Variants in CDK4 observed in about 807,000 individuals in gnomAD.
CDK4 encodes cyclin-dependent kinase 4.
A neutral mutation model predicts 36.7 loss-of-function variants in CDK4; 13 were observed. The observed-to-expected ratio is 0.35, with a 90% CI of 0.23 to 0.56. The LOEUF (loss-of-function observed/expected upper bound fraction) is 0.56. Among genes scored for constraint, CDK4 ranks in the 20% least tolerant of loss-of-function variants. CDK4 has a pLI of 0.85. For synonymous variants in CDK4, 158 were observed against 146.4 expected, an observed-to-expected ratio of 1.08 and a Z score of -0.57; for missense variants, 285 against 387.3, an observed-to-expected ratio of 0.74 and a Z score of 2.22.
chr12:57,750,727 C>T lies in CDK4; in HGVS notation c.561G>A (p.Leu187=). 6.2e-7 allele frequency: 1 copy of T among 1,614,130 alleles called. No individual in the cohort carries two copies. Among genetic ancestry groups the T allele is most frequent in the Non-Finnish European group, 8.5e-7 (1 of 1,179,950 alleles). The stretch of plus-strand genomic sequence containing the variant: ...CCACAGGTGTTGCATATGTGGACTG[C>T]AGAAGAACTTCGGGAGCTCGGTACC... ...TLWYRAPEVL[L]QSTYATPVDM... The change falls in exon 5 of 8, where the codon CTG becomes CTA. Residue 187 remains leucine (L), a synonymous_variant. Transcript: ENST00000257904.
chr12:57,751,282 A>G lies in CDK4; in HGVS notation c.279T>C (p.Phe93=), dbSNP rs1478574297. 1.5e-5 allele frequency: 24 copies of G among 1,613,998 alleles called. No individual in the cohort carries two copies. Among genetic ancestry groups the G allele is most frequent in the African/African-American group, 4.0e-5 (3 of 74,888 alleles). Residue 93 remains phenylalanine (F), a synonymous_variant, in exon 3 of 8, where the codon TTT becomes TTC. Coordinates refer to ENST00000257904, the MANE Select transcript of CDK4 (RefSeq NM_000075.4). This position sits in a 1 kb window ranked among gnomAD's most constrained non-coding sequence, Gnocchi z 4.5. ...TCCTTAGGTCCTGGTCTACATGCTC[A>G]AACACCAGGGTTACCTTGATCTCCC... ...TDREIKVTLV[F]EHVDQDLRTY... is the part of the protein sequence containing the mutation.
rs554603181 is a variant in CDK4, at chr12:57,751,252, A to G, written c.309T>C (p.Tyr103=). 3 of 1,614,032 alleles carry G rather than the reference A, an allele frequency of 1.9e-6. No homozygotes were observed. The highest frequency in any genetic ancestry group is 4.5e-5 in the East Asian group (2 of 44,870). The change falls in exon 3 of 8, where the codon TAT becomes TAC. Residue 103 remains tyrosine (Y), a synonymous_variant. Transcript: ENST00000257904. The surrounding 1 kb of genome is among the most constrained non-coding windows in gnomAD (Gnocchi z 4.5). ...FEHVDQDLRT[Y]LDKAPPPGLP... is the part of the protein sequence containing the mutation. ...AGCCTGGTGGGGGTGCCTTGTCCAG[A>G]TATGTCCTTAGGTCCTGGTCTACAT... is the stretch of plus-strand genomic sequence containing the variant.
rs112275916 is a variant in CDK4 at position 57,748,034 on chromosome 12, G to C, written c.*491C>G. On this transcript the variant is annotated 3_prime_UTR_variant, in exon 8 of 8. Coordinates refer to ENST00000257904, the MANE Select transcript of CDK4 (RefSeq NM_000075.4). ...TGGGATTATAGGCGTGAGCCACCAC[G>C]CCCCGCCTAAAATCCATATTCAAAG... 1 of 249,132 alleles carries C rather than the reference G, an allele frequency of 4.0e-6. No homozygotes were observed. The highest frequency in any genetic ancestry group is 7.9e-6 in the Non-Finnish European group (1 of 127,008). The allele number at this position is 249,132 out of a possible 1,614,324, so 15.4% of individuals were successfully genotyped here.
Position 57,750,677 on chromosome 12 carries a change from A to G in CDK4, c.611T>C (p.Phe204Ser). 1 of 1,613,706 alleles carries G rather than the reference A, an allele frequency of 6.2e-7. No homozygotes were observed. Residue 204 changes from phenylalanine to serine, a missense_variant, in exon 5 of 8, where the codon TTT becomes TCT. By Grantham distance (155) the Phe-to-Ser change is radical. Coordinates refer to ENST00000257904, the MANE Select transcript of CDK4 (RefSeq NM_000075.4). ...ATACTTTCGACGAAACATCTCTGCAAAGATACAGCCAACACTCCACATGTC... is the reference window on the plus strand; with the variant it reads ...ATACTTTCGACGAAACATCTCTGCAGAGATACAGCCAACACTCCACATGTC... ...PVDMWSVGCI[F>S]AEMFRRKPLF...
chr12:57,748,436 A>G lies in CDK4; in HGVS notation c.*89T>C, dbSNP rs1955184991. 2.1e-6 allele frequency: 2 copies of G among 936,172 alleles called. No individual in the cohort carries two copies. The highest frequency in any genetic ancestry group is 1.8e-6 in the Non-Finnish European group (1 of 566,104). 58.0% of individuals were successfully genotyped at this position (936,172 alleles called of 1,614,324 possible). On this transcript the variant is annotated 3_prime_UTR_variant, in exon 8 of 8. Coordinates refer to ENST00000257904, the MANE Select transcript of CDK4 (RefSeq NM_000075.4). Reference sequence around the variant, plus strand: ...AGAAAGATGGAGGAGGACCCTCCATAGCCTCAGAGATAAAGGCAAAGATTG... The same window carrying G: ...AGAAAGATGGAGGAGGACCCTCCATGGCCTCAGAGATAAAGGCAAAGATTG...
In CDK4 at chr12:57,751,816, A is replaced by G; in HGVS notation, c.-19-80T>C. The G allele has an allele frequency of 1.1e-6, 1 of 949,754 alleles. No homozygotes were observed. Among genetic ancestry groups the G allele is most frequent in the Non-Finnish European group, 1.6e-6 (1 of 621,176 alleles). 58.8% of individuals were successfully genotyped at this position (949,754 alleles called of 1,614,324 possible). A position where few individuals can be genotyped will look rare whatever the true frequency, so the allele number is the denominator to read the frequency against. Reference sequence around the variant, plus strand: ...AGCCTGCAGCAACAAAGGGACTCCCAAAAAAAAAGCGCAAAGAACACCACC... The same window carrying G: ...AGCCTGCAGCAACAAAGGGACTCCCGAAAAAAAAGCGCAAAGAACACCACC... On this transcript the variant is annotated intron_variant, in intron 1 of 7. Transcript: ENST00000257904. This position sits in a 1 kb window ranked among gnomAD's most constrained non-coding sequence, Gnocchi z 4.5.
Position 57,751,373 on chromosome 12 carries a change from C to G in CDK4, c.219-31G>C, listed in dbSNP as rs2270777. 2.5e-6 allele frequency: 4 copies of G among 1,613,622 alleles called. No individual in the cohort carries two copies. The highest frequency in any genetic ancestry group is 3.3e-4 in the Middle Eastern group (2 of 6,042). ...CAGAGTAAATGCTCACTTTTCAATC[C>G]CCTTTAACCCAACATGGCCTCTCAT... On this transcript the variant is annotated intron_variant, in intron 2 of 7. Coordinates refer to ENST00000257904, the MANE Select transcript of CDK4 (RefSeq NM_000075.4). The surrounding 1 kb of genome is among the most constrained non-coding windows in gnomAD (Gnocchi z 4.5).
rs1955187042 is a variant in CDK4 at position 57,748,558 on chromosome 12, A to G, written c.879T>C (p.Ser293=). ...GATTACCTTCATCCTTATGTAGATA[A>G]GAGTGCTGCAGAGCTCGAAAGGCAG... ...RISAFRALQH[S]YLHKDEGNPE Residue 293 remains serine (S), a synonymous_variant, in exon 8 of 8, where the codon TCT becomes TCC. Transcript: ENST00000257904. 2 of 1,613,734 alleles carry G rather than the reference A, an allele frequency of 1.2e-6. No individual in the cohort carries two copies. Among genetic ancestry groups the G allele is most frequent in the East Asian group, 2.2e-5 (1 of 44,902 alleles).
chr12:57,748,623 G>C lies in CDK4; in HGVS notation c.820-6C>G, dbSNP rs754966040. 1 of 1,606,932 alleles carries C rather than the reference G, an allele frequency of 6.2e-7. No homozygotes were observed. Among genetic ancestry groups the C allele is most frequent in the Non-Finnish European group, 8.5e-7 (1 of 1,173,452 alleles). ...GGGTTAAAAGTCAGCATTTCCTGAG[G>C]GGAGAGGCAAAGGTCAGAAAACCAT... is the stretch of plus-strand genomic sequence containing the variant. On this transcript the variant is annotated splice_polypyrimidine_tract_variant and splice_region_variant and intron_variant, in intron 7 of 7. Coordinates refer to ENST00000257904, the MANE Select transcript of CDK4 (RefSeq NM_000075.4).
At chr12:57,750,875 TCTC>T (rs780524827) in intron 4 of CDK4, 45 bp downstream of exon 4, 2 of 1,609,688 alleles carry the variant, frequency 1.2e-6, no homozygotes, top group Non-Finnish European at 8.5e-7. Flanking sequence ...GGGCAATCAC[TCTC>T]CTACTCCCAA....
intron 7 of CDK4, 82 bp downstream of exon 7, chr12:57,749,100 C>T (rs2140382234): frequency 1.9e-6 from 3 of 1,552,038 alleles, no homozygotes; most frequent in Non-Finnish European, 2.7e-6. Flanking sequence ...TCATTAACCA[C>T]AGTGGCCAGG....
rs1225004491 is a variant in CDK4 at position 57,748,508 on chromosome 12, G to A, written c.*17C>T. 5.7e-6 allele frequency: 9 copies of A among 1,577,572 alleles called. No individual in the cohort carries two copies. Among genetic ancestry groups the A allele is most frequent in the Middle Eastern group, 1.7e-4 (1 of 5,958 alleles). ...AAATGGCAGCTTTTCTTCCTTCCAT[G>A]GCAGCCACTCCATTGCTCACTCCGG... On this transcript the variant is annotated 3_prime_UTR_variant, in exon 8 of 8. Coordinates refer to ENST00000257904, the MANE Select transcript of CDK4 (RefSeq NM_000075.4).
At chr12:57,748,660 A>G (rs1465094637) in intron 7 of CDK4, 43 bp from the exon 8 acceptor site, 1 of 1,297,146 alleles carries the variant, frequency 7.7e-7, no homozygotes, top group South Asian at 1.2e-5. Context: ...AAGAAAACAG[A>G]CTTCTGCCCA....
rs1256176240 is a variant in CDK4, at chr12:57,751,721, C to T, written c.-4G>A. The stretch of plus-strand genomic sequence containing the variant: ...GCTCATATCGAGAGGTAGCCATTCT[C>T]AGATCAAGGGAGACCCTACAATCAC... On this transcript the variant is annotated 5_prime_UTR_variant, in exon 2 of 8. Transcript: ENST00000257904. The surrounding 1 kb of genome is among the most constrained non-coding windows in gnomAD (Gnocchi z 4.5). The T allele has an allele frequency of 1.2e-6, 2 of 1,613,972 alleles. No individual in the cohort carries two copies. Among genetic ancestry groups the T allele is most frequent in the Admixed American group, 3.3e-5 (2 of 60,028 alleles).
rs953231242 is a variant in CDK4, at chr12:57,751,440, C to T, written c.218+60G>A. On this transcript the variant is annotated intron_variant, in intron 2 of 7. Coordinates refer to ENST00000257904, the MANE Select transcript of CDK4 (RefSeq NM_000075.4). The surrounding 1 kb of genome is among the most constrained non-coding windows in gnomAD (Gnocchi z 4.5). ...CCACTTCTCTACAGATCATCACACC[C>T]CACCTATAGGCTGTCTTTTCCCTTT... The T allele has an allele frequency of 2.3e-5, 37 of 1,608,276 alleles. No homozygotes were observed. The African/African-American group carries it at 4.3e-4, about 19-fold the overall frequency.
rs761804196 is a variant in CDK4, at chr12:57,751,768, G to C, written c.-19-32C>G. 10 of 1,552,746 alleles carry C rather than the reference G, an allele frequency of 6.4e-6. No homozygotes were observed. In the South Asian group the frequency reaches 7.9e-5, roughly 12 times the overall value. On this transcript the variant is annotated intron_variant, in intron 1 of 7. Coordinates refer to ENST00000257904, the MANE Select transcript of CDK4 (RefSeq NM_000075.4). This position sits in a 1 kb window ranked among gnomAD's most constrained non-coding sequence, Gnocchi z 4.5. ...TCACAGACTCCTATCACCAAAAGTC[G>C]CTTACAGAGTTAGGATGGTATGAGC...
chr12:57,751,885 A>G lies in CDK4; in HGVS notation c.-19-149T>C, dbSNP rs748242050. On this transcript the variant is annotated intron_variant, in intron 1 of 7. Transcript: ENST00000257904. This position sits in a 1 kb window ranked among gnomAD's most constrained non-coding sequence, Gnocchi z 4.5. ...CCCAGTCTTCCTTGGGGCCGGCCCC[A>G]GAGATAACACAATGACTCAATACCA... 6 of 668,688 alleles carry G rather than the reference A, an allele frequency of 9.0e-6. No homozygotes were observed. The highest frequency in any genetic ancestry group is 1.3e-5 in the Non-Finnish European group (5 of 377,374). The allele number at this position is 668,688 out of a possible 1,614,324, so 41.4% of individuals were successfully genotyped here. A position where few individuals can be genotyped will look rare whatever the true frequency, so the allele number is the denominator to read the frequency against.
intron 5 of CDK4, 102 bp from the exon 6 acceptor site, chr12:57,749,606 C>G: frequency 8.9e-7 from 1 of 1,120,226 alleles, no homozygotes; most frequent in Non-Finnish European, 1.3e-6. Context: ...GGAATAAAGG[C>G]CAACAATTCC....
chr12:57,750,533 A>G, intron 5 of CDK4, 123 bp downstream of exon 5: 2 of 771,274 alleles, frequency 2.6e-6, no homozygotes, highest in South Asian at 2.7e-5. Flanking sequence ...TGCCATTGCA[A>G]TCCAGCCTGG....
Sources: allele counts gnomAD v4.1 joint callset, GRCh38; gene constraint gnomAD v4.1.1; non-coding constraint Gnocchi (gnomAD v3.1); transcripts MANE v1.5; gene names NCBI Gene and HGNC (gene_info 2026-07-23, HGNC 2026-07-21).